Variants in PUM2 observed in about 807,000 individuals in gnomAD.
PUM2 encodes the protein pumilio RNA binding family member 2, also known as pumilio homolog 2.
In PUM2, 57 loss-of-function variants were observed where a neutral mutation model predicts 124.5. That is an observed-to-expected ratio of 0.46 (90% CI 0.37 to 0.57). The LOEUF (loss-of-function observed/expected upper bound fraction) is 0.57. PUM2 is among the 20% of genes least tolerant of loss of function. The pLI is 0.00. For missense variants in PUM2, 1,065 were observed against 1,290.6 expected (o/e 0.83, Z 2.68); for synonymous variants, 460 against 446.1 (o/e 1.03, Z -0.39).
intron 5 of PUM2, 31 bp downstream of exon 5, chr2:20,311,463 G>A (rs376043118): frequency 4.2e-5 from 66 of 1,575,396 alleles, no homozygotes; most frequent in African/African-American, 1.6e-4. Flanking sequence ...AAAAAGATAC[G>A]CTTTTCTTCT....
intron 18 of PUM2, 91 bp downstream of exon 18, chr2:20,255,125 T>C: frequency 3.4e-6 from 5 of 1,477,426 alleles, no homozygotes; most frequent in South Asian, 2.5e-5. Flanking sequence ...CTCTTGTCTA[T>C]AGTGTGTTTA....
At chr2:20,276,542 G>C (rs1333373132) in intron 13 of PUM2, among the ~76,000 whole-genome samples, 1 of 151,960 alleles carries the variant, frequency 6.6e-6, no homozygotes, top group Non-Finnish European at 1.5e-5. Flanking sequence ...TTAAAAATAT[G>C]CAAATTCCAT....
At chr2:20,302,071 A>C (rs1415286040) in intron 7 of PUM2, among the ~76,000 whole-genome samples, 1 of 152,224 alleles carries the variant, frequency 6.6e-6, no homozygotes, top group Non-Finnish European at 1.5e-5. Context: ...CAACAGACAA[A>C]AACATAAATT....
chr2:20,286,281 T>C (rs1672714399), intron 10 of PUM2, among the ~76,000 whole-genome samples: 3 of 152,130 alleles, frequency 2.0e-5, no homozygotes, highest in African/African-American at 7.2e-5. Context: ...CAAGTCAAAA[T>C]AGAAGTGACA....
chr2:20,258,888 C>T (rs887415003), intron 15 of PUM2, among the ~76,000 whole-genome samples: 2 of 150,978 alleles, frequency 1.3e-5, no homozygotes, highest in African/African-American at 4.9e-5. Context: ...AGGATGGTCT[C>T]GATCTCCTGA....
At position 20,300,842 on chromosome 2, in the gene PUM2, T is replaced by C. The variant is rs986262833; in HGVS notation, c.884-3164A>G. 4.0e-5 allele frequency among the ~76,000 whole-genome samples: 6 copies of C among 149,138 alleles called. No individual in the cohort carries two copies. The East Asian group carries it at 9.8e-4, about 24-fold the overall frequency. ...GCCTCACAGTTTGCCCTCAAGGAAA[T>C]TCCTTATGGACAAAGGACAGGCAGA... On this transcript the variant is annotated intron_variant, in intron 7 of 20. Coordinates refer to ENST00000361078, the MANE Select transcript of PUM2 (RefSeq NM_015317.5).
At chr2:20,338,686 G>A (rs1686619448) in intron 1 of PUM2, among the ~76,000 whole-genome samples, 1 of 152,148 alleles carries the variant, frequency 6.6e-6, no homozygotes, top group African/African-American at 2.4e-5. Flanking sequence ...AATGCTACTA[G>A]TTATGAGGGA....
In PUM2 at chr2:20,308,334, CA is replaced by C; in HGVS notation, c.768del (p.Phe256LeufsTer16). 1 of 1,613,562 alleles carries C rather than the reference CA, an allele frequency of 6.2e-7. No individual in the cohort carries two copies. Among genetic ancestry groups the C allele is most frequent in the Non-Finnish European group, 8.5e-7 (1 of 1,179,714 alleles). On this transcript the variant is annotated frameshift_variant, in exon 6 of 21. Coordinates refer to ENST00000361078, the MANE Select transcript of PUM2 (RefSeq NM_015317.5). LOFTEE classifies it high-confidence loss of function. ...TTTACCTGCTGCTGGGAATTGTAGT[CA>C]AAAAGGCCTACAGTAGCTCCTGAAG... The part of the protein sequence containing the change: ...MDSSGATVGL[F>X]DYNSQQQLFQ...
chr2:20,312,573 A>G (rs755878459), intron 3 of PUM2, 150 bp from the exon 4 acceptor site: 42 of 735,024 alleles, frequency 5.7e-5, no homozygotes, highest in Non-Finnish European at 8.6e-5. Context: ...TTCATAGGAC[A>G]CAAACAAATG....
intron 13 of PUM2, among the ~76,000 whole-genome samples, chr2:20,264,562 G>C (rs1199518874): frequency 6.6e-6 from 1 of 150,946 alleles, no homozygotes; most frequent in Non-Finnish European, 1.5e-5. Flanking sequence ...ATACATGCAG[G>C]AAATTTTTAA....
intron 12 of PUM2, 123 bp downstream of exon 12, chr2:20,282,824 G>C: frequency 9.1e-7 from 1 of 1,096,792 alleles, no homozygotes; most frequent in Non-Finnish European, 1.3e-6. Context: ...AATTAAACCA[G>C]TAGTCCAATA....
chr2:20,340,595 A>C (rs142927073), intron 1 of PUM2, among the ~76,000 whole-genome samples: 62 of 152,342 alleles, frequency 4.1e-4, no homozygotes, highest in African/African-American at 1.4e-3. Flanking sequence ...GGTTTCACCT[A>C]CCCAAGGCTG....
chr2:20,315,060 CTT>C (rs11327686), intron 3 of PUM2, among the ~76,000 whole-genome samples: 1,420 of 124,862 alleles, frequency 0.011, 14 homozygotes, highest in Non-Finnish European at 0.017. Context: ...AAGTGTGCTT[CTT>C]TTTTTTTTTT....
intron 15 of PUM2, among the ~76,000 whole-genome samples, chr2:20,258,642 C>A: frequency 6.7e-6 from 1 of 149,836 alleles, no homozygotes. Context: ...CTTTACAAAA[C>A]CCTTCATCTT....
At position 20,308,573 on chromosome 2, in the gene PUM2, C is replaced by T. The variant is rs1312516059; in HGVS notation, c.530G>A (p.Gly177Glu). ...TTCAGTTGGAGAGGCTTGACGACTT[C>T]CAGGAGTACGACTACATAAAGAAAA... is the stretch of plus-strand genomic sequence containing the variant. The part of the protein sequence containing the change: ...ADCKDFNRTP[G>E]SRQASPTEVV... The change falls in exon 6 of 21, where the codon GGA becomes GAA. Residue 177 changes from glycine to glutamate, a missense_variant. Around this residue, in one of 3 missense-constraint regions of PUM2, gnomAD observed 968 missense variants for 1,159.8 expected, o/e 0.83. Coordinates refer to ENST00000361078, the MANE Select transcript of PUM2 (RefSeq NM_015317.5). 2.5e-6 allele frequency: 4 copies of T among 1,610,948 alleles called. No homozygotes were observed. The highest frequency in any genetic ancestry group is 8.5e-7 in the Non-Finnish European group (1 of 1,178,444).
intron 1 of PUM2, among the ~76,000 whole-genome samples, chr2:20,339,094 C>A (rs1397836576): frequency 6.6e-6 from 1 of 151,954 alleles, no homozygotes; most frequent in Non-Finnish European, 1.5e-5. Flanking sequence ...CACATCTAAG[C>A]ACTAAAAAAT....
chr2:20,251,503 G>T lies in PUM2; in HGVS notation c.*82C>A. The T allele has an allele frequency of 7.0e-7, 1 of 1,433,232 alleles. No individual in the cohort carries two copies. The allele number at this position is 1,433,232 out of a possible 1,614,324, so 88.8% of individuals were successfully genotyped here. ...TTTAAAAAAAAATTGAAGATTCATA[G>T]TTGAGTTGTGTTTTGATAATTCACA... On this transcript the variant is annotated 3_prime_UTR_variant, in exon 21 of 21. Coordinates refer to ENST00000361078, the MANE Select transcript of PUM2 (RefSeq NM_015317.5).
Position 20,350,787 on chromosome 2 carries a change from G to T in PUM2, c.-209C>A, listed in dbSNP as rs1689227751. ...TCCTCCTCCGAACCACCGAAGTACCGAGGGTGAGACACAGAGACTCACAAC... is the reference window on the plus strand; with the variant it reads ...TCCTCCTCCGAACCACCGAAGTACCTAGGGTGAGACACAGAGACTCACAAC... On this transcript the variant is annotated 5_prime_UTR_variant, in exon 1 of 21. Coordinates refer to ENST00000361078, the MANE Select transcript of PUM2 (RefSeq NM_015317.5). 3.1e-6 allele frequency: 3 copies of T among 962,920 alleles called. No homozygotes were observed. In the South Asian group the frequency reaches 1.5e-4, roughly 47 times the overall value. The allele number at this position is 962,920 out of a possible 1,614,324, so 59.6% of individuals were successfully genotyped here.
At position 20,307,997 on chromosome 2, in the gene PUM2, T is replaced by C. The variant is rs757715691; in HGVS notation, c.864A>G (p.Ala288=). The C allele has an allele frequency of 6.2e-7, 1 of 1,613,556 alleles. No homozygotes were observed. Among genetic ancestry groups the C allele is most frequent in the Non-Finnish European group, 8.5e-7 (1 of 1,179,508 alleles). Residue 288 remains alanine, a synonymous_variant, in exon 7 of 21, where the codon GCA becomes GCG. Coordinates refer to ENST00000361078, the MANE Select transcript of PUM2 (RefSeq NM_015317.5). ...ACTCACCTATATGTGGCTGCTGAGCTGCTGCTAATGCATATTGCTGCTGTT... is the reference window on the plus strand; with the variant it reads ...ACTCACCTATATGTGGCTGCTGAGCCGCTGCTAATGCATATTGCTGCTGTT... ...AAQQQQYALA[A]AQQPHIAGVF...
Sources: allele counts gnomAD v4.1 joint callset (sites outside exome capture counted in the v4.1 genomes callset), GRCh38; gene constraint gnomAD v4.1.1; regional missense constraint gnomAD v4.1.1; transcripts MANE v1.5; gene names NCBI Gene and HGNC (gene_info 2026-07-23, HGNC 2026-07-21).